ANGPTL2: variants seen among roughly 807,000 people sequenced by gnomAD.
The protein encoded by ANGPTL2 is angiopoietin like 2, also known as angiopoietin-related protein 2.
Under a neutral mutation model 52.8 loss-of-function variants are expected in ANGPTL2, and 25 were observed. The ratio of observed to expected loss-of-function variants is 0.47; its 90% CI spans 0.35 to 0.66. The LOEUF (loss-of-function observed/expected upper bound fraction) is 0.66, where lower values mean the gene tolerates loss of function less well. Among genes scored for constraint, ANGPTL2 ranks in the 30% least tolerant of loss-of-function variants. The pLI, the probability that ANGPTL2 is intolerant of heterozygous loss-of-function variation, is 0.01. For synonymous variants in ANGPTL2, 276 were observed against 277.4 expected (o/e 1.00, Z 0.05); for missense variants, 546 against 656.9 (o/e 0.83, Z 1.84).
At chr9:127,107,836 C>T in intron 2 of ANGPTL2, 79 bp downstream of exon 2, 3 of 1,427,502 alleles carry the variant, frequency 2.1e-6, no homozygotes, top group Admixed American at 2.3e-5. Context: ...ATGGCTTTTC[C>T]CCATTTGTGG....
intron 2 of ANGPTL2, among the ~76,000 whole-genome samples, chr9:127,104,046 A>G (rs1589493435): frequency 6.6e-6 from 1 of 152,154 alleles, no homozygotes; most frequent in East Asian, 1.9e-4. Flanking sequence ...TCTGCCACCA[A>G]CAGGCTCTGT....
intron 1 of ANGPTL2, among the ~76,000 whole-genome samples, chr9:127,121,892 A>G (rs2056134604): frequency 6.6e-6 from 1 of 152,164 alleles, no homozygotes; most frequent in South Asian, 2.1e-4. Context: ...GCCTGGGGGC[A>G]TAGGAATCCA....
intron 1 of ANGPTL2, among the ~76,000 whole-genome samples, chr9:127,117,051 C>T (rs1032008352): frequency 2.0e-5 from 3 of 152,232 alleles, no homozygotes; most frequent in Non-Finnish European, 2.9e-5. Flanking sequence ...ATCATGTCAG[C>T]GTCCTGCTTA....
At chr9:127,096,785 TA>T (rs1249458083) in intron 2 of ANGPTL2, among the ~76,000 whole-genome samples, 9 of 152,250 alleles carry the variant, frequency 5.9e-5, no homozygotes, top group Admixed American at 5.2e-4. Flanking sequence ...TCCCAGGTTA[TA>T]AACTCCTTGC....
At chr9:127,111,122 C>G (rs1042018187) in intron 1 of ANGPTL2, among the ~76,000 whole-genome samples, 3 of 152,248 alleles carry the variant, frequency 2.0e-5, no homozygotes, top group Non-Finnish European at 4.4e-5. Flanking sequence ...CTCCAACCAC[C>G]TGGTTGACCT....
intron 2 of ANGPTL2, among the ~76,000 whole-genome samples, chr9:127,105,001 C>T (rs2054082069): frequency 6.6e-6 from 1 of 152,090 alleles, no homozygotes; most frequent in East Asian, 1.9e-4. Flanking sequence ...TGCAGAGAGA[C>T]CATCTGTTTT....
intron 2 of ANGPTL2, among the ~76,000 whole-genome samples, chr9:127,094,365 CCTGCAGGCT>C (rs71493875): frequency 2.2e-4 from 34 of 151,918 alleles, no homozygotes; most frequent in Non-Finnish European, 4.6e-4. Flanking sequence ...TCAGTCAGTG[CCTGCAGGCT>C]CTGATGGCTT....
chr9:127,122,573 GC>G lies in ANGPTL2; in HGVS notation c.-309del, dbSNP rs1448305641. 6.5e-6 allele frequency: 1 copy of G among 153,186 alleles called. No homozygotes were observed. Among genetic ancestry groups the G allele is most frequent in the Non-Finnish European group, 1.5e-5 (1 of 68,842 alleles). 9.5% of individuals were successfully genotyped at this position (153,186 alleles called of 1,614,324 possible). A position where few individuals can be genotyped will look rare whatever the true frequency, so the allele number is the denominator to read the frequency against. ...CAGTAGCGTCAGCCGCTGCCTCAGT[GC>G]CACGCTCGGCAGGTCCAGGGCTTGG... On this transcript the variant is annotated 5_prime_UTR_variant, in exon 1 of 5. The change abolishes the stop of an existing upstream ORF in the 5' untranslated region. Coordinates refer to ENST00000373425, the MANE Select transcript of ANGPTL2 (RefSeq NM_012098.3). The surrounding 1 kb of genome is among the most constrained non-coding windows in gnomAD (Gnocchi z 6.4).
In ANGPTL2 at chr9:127,087,781, T is replaced by C. The variant is rs530649450; in HGVS notation, c.*1158A>G. On this transcript the variant is annotated 3_prime_UTR_variant, in exon 5 of 5. Coordinates refer to ENST00000373425, the MANE Select transcript of ANGPTL2 (RefSeq NM_012098.3). ...TAGTTTGGAGATGAGATGCGGACTC[T>C]AGTCAGCCTGAGAGCGTGGAATCTC... 1 of 152,362 alleles carries C rather than the reference T, an allele frequency of 6.6e-6. No individual in the cohort carries two copies. Among genetic ancestry groups the C allele is most frequent in the African/African-American group, 2.4e-5 (1 of 41,582 alleles). 9.4% of individuals were successfully genotyped at this position (152,362 alleles called of 1,614,324 possible).
chr9:127,100,729 A>G (rs1226027409), intron 2 of ANGPTL2, among the ~76,000 whole-genome samples: 1 of 152,190 alleles, frequency 6.6e-6, no homozygotes, highest in Non-Finnish European at 1.5e-5. Flanking sequence ...GGAAGAACTT[A>G]TCAGACCCAT....
chr9:127,088,796 A>G lies in ANGPTL2; in HGVS notation c.*143T>C. 1 of 910,740 alleles carries G rather than the reference A, an allele frequency of 1.1e-6. No individual in the cohort carries two copies. Among genetic ancestry groups the G allele is most frequent in the South Asian group, 1.6e-5 (1 of 61,668 alleles). 56.4% of individuals were successfully genotyped at this position (910,740 alleles called of 1,614,324 possible). A position where few individuals can be genotyped will look rare whatever the true frequency, so the allele number is the denominator to read the frequency against. On this transcript the variant is annotated 3_prime_UTR_variant, in exon 5 of 5. Coordinates refer to ENST00000373425, the MANE Select transcript of ANGPTL2 (RefSeq NM_012098.3). ...TCGATTCAGTTCCATCATCCGCTGCAGTGACTTCGGAAAACAGAATCCAGC... is the reference window on the plus strand; with the variant it reads ...TCGATTCAGTTCCATCATCCGCTGCGGTGACTTCGGAAAACAGAATCCAGC...
intron 2 of ANGPTL2, among the ~76,000 whole-genome samples, chr9:127,097,373 A>G (rs1490687980): frequency 6.6e-6 from 1 of 152,376 alleles, no homozygotes; most frequent in East Asian, 1.9e-4. Flanking sequence ...TGTTACAAAA[A>G]ATGTGCATAT....
chr9:127,109,087 C>G (rs1413952632), intron 1 of ANGPTL2, among the ~76,000 whole-genome samples: 1 of 152,212 alleles, frequency 6.6e-6, no homozygotes. Context: ...AACTCCTGGC[C>G]TAGAGCCTGA....
intron 1 of ANGPTL2, among the ~76,000 whole-genome samples, chr9:127,115,904 AG>A (rs1444749034): frequency 6.6e-6 from 1 of 152,190 alleles, no homozygotes; most frequent in Non-Finnish European, 1.5e-5. Context: ...ATCAGCCCGG[AG>A]GCCAGGGAGG....
At position 127,088,049 on chromosome 9, in the gene ANGPTL2, G is replaced by A. The variant is rs997826135; in HGVS notation, c.*890C>T. ...TCCTACTCAGAAGCTGAGGAATCTC[G>A]CCTGGAAAGAAGGGGCTGTGCGACA... On this transcript the variant is annotated 3_prime_UTR_variant, in exon 5 of 5. Transcript: ENST00000373425. 2.0e-5 allele frequency: 3 copies of A among 152,526 alleles called. No homozygotes were observed. The highest frequency in any genetic ancestry group is 4.4e-5 in the Non-Finnish European group (3 of 68,032). The allele number at this position is 152,526 out of a possible 1,614,324, so 9.4% of individuals were successfully genotyped here.
intron 1 of ANGPTL2, among the ~76,000 whole-genome samples, chr9:127,119,857 A>G (rs1388035686): frequency 1.3e-5 from 2 of 152,234 alleles, no homozygotes; most frequent in African/African-American, 4.8e-5. Context: ...GCTCATCCTA[A>G]GCTGCCCAGA....
intron 2 of ANGPTL2, among the ~76,000 whole-genome samples, chr9:127,095,044 G>A (rs997073080): frequency 2.0e-5 from 3 of 152,208 alleles, no homozygotes; most frequent in African/African-American, 7.2e-5. Context: ...TCAAGGCCTA[G>A]CCATTCAGAT....
rs761560556 is a variant in ANGPTL2 at position 127,108,657 on chromosome 9, G to A, written c.75C>T (p.Asp25=). Reference sequence around the variant, plus strand: ...AGCCCTCCTCAGTGCCCTCAAAACCGTCCTCCTGGCCTGCAACAGCTCCCA... The same window carrying A: ...AGCCCTCCTCAGTGCCCTCAAAACCATCCTCCTGGCCTGCAACAGCTCCCA... The part of the protein sequence containing the change: ...AAMGAVAGQE[D]GFEGTEEGSP... Residue 25 remains aspartate (D), a synonymous_variant, in exon 2 of 5, where the codon GAC becomes GAT. Transcript: ENST00000373425. 2.2e-5 allele frequency: 35 copies of A among 1,613,474 alleles called. No individual in the cohort carries two copies. Among genetic ancestry groups the A allele is most frequent in the African/African-American group, 2.7e-5 (2 of 74,808 alleles).
intron 1 of ANGPTL2, among the ~76,000 whole-genome samples, chr9:127,112,681 C>G (rs528580981): frequency 5.1e-4 from 77 of 152,360 alleles, no homozygotes; most frequent in Non-Finnish European, 1.1e-3. Context: ...ACCTTGCACA[C>G]TAGGTGAGCA....
Sources: gnomAD v4.1 joint callset for allele counts (sites outside exome capture counted in the v4.1 genomes callset) on GRCh38, gnomAD v4.1.1 for gene constraint, Gnocchi (gnomAD v3.1) non-coding constraint, MANE v1.5 for transcripts, NCBI Gene and HGNC (gene_info 2026-07-23, HGNC 2026-07-21) for gene names.